The following NDST4 variants were observed in gnomAD, a reference collection of about 807,000 sequenced individuals.
The protein encoded by NDST4 is N-heparan sulfate sulfotransferase 4.
NDST4 carries 63 observed loss-of-function variants against 100.8 expected under a neutral mutation model. The observed-to-expected ratio is 0.62, with a 90% CI of 0.51 to 0.77. The LOEUF (loss-of-function observed/expected upper bound fraction) is 0.77, where lower values mean the gene tolerates loss of function less well. Among genes scored for constraint, NDST4 ranks in the 30% least tolerant of loss-of-function variants. The probability of loss-of-function intolerance (pLI) is 0.00; values close to 1 mark genes in which losing one functional copy is unlikely to be tolerated. For synonymous variants in NDST4, 377 were observed against 361.8 expected, an observed-to-expected ratio of 1.04 and a Z score of -0.48; for missense variants, 943 against 1,018.4, an observed-to-expected ratio of 0.93 and a Z score of 1.01.
chr4:114,842,566 C>G, intron 10 of NDST4: 1 of 160,774 alleles, frequency 6.2e-6, no homozygotes, highest in Non-Finnish European at 1.2e-5. Context: ...CCGAGGCAGG[C>G]GGATCACGAG....
At chr4:114,949,370 T>C (rs190540693) in intron 4 of NDST4, among the ~76,000 whole-genome samples, 7 of 152,146 alleles carry the variant, frequency 4.6e-5, no homozygotes, top group Admixed American at 2.0e-4. Flanking sequence ...TGATGTCGGA[T>C]AGGGAATGGG....
intron 6 of NDST4, among the ~76,000 whole-genome samples, chr4:114,872,651 G>C (rs1284691907): frequency 6.6e-6 from 1 of 151,962 alleles, no homozygotes; most frequent in African/African-American, 2.4e-5. Flanking sequence ...TGCTTACTAT[G>C]TACTAAGCAG....
At chr4:114,913,088 C>A (rs1049848991) in intron 6 of NDST4, among the ~76,000 whole-genome samples, 12 of 151,452 alleles carry the variant, frequency 7.9e-5, no homozygotes, top group Admixed American at 5.9e-4. Flanking sequence ...ACAACTCAAC[C>A]CATATCCAAT....
At chr4:114,846,717 CTCA>C (rs1235850785) in intron 9 of NDST4, among the ~76,000 whole-genome samples, 2 of 152,138 alleles carry the variant, frequency 1.3e-5, no homozygotes, top group Non-Finnish European at 2.9e-5. Flanking sequence ...CTCCTTACAG[CTCA>C]TCACTTCTCT....
chr4:115,067,576 A>T (rs1728976805), intron 2 of NDST4, among the ~76,000 whole-genome samples: 1 of 151,130 alleles, frequency 6.6e-6, no homozygotes, highest in African/African-American at 2.4e-5. Context: ...TTAAGATTTT[A>T]TTTTATAATA....
At chr4:114,836,801 G>A (rs1723314254) in intron 11 of NDST4, among the ~76,000 whole-genome samples, 1 of 152,090 alleles carries the variant, frequency 6.6e-6, no homozygotes, top group Non-Finnish European at 1.5e-5. Context: ...ATTTCTTGGA[G>A]GCTTTGTTCA....
At chr4:115,024,963 T>C (rs1483146255) in intron 2 of NDST4, among the ~76,000 whole-genome samples, 1 of 152,170 alleles carries the variant, frequency 6.6e-6, no homozygotes, top group Non-Finnish European at 1.5e-5. Flanking sequence ...GGCCCTATTT[T>C]TTCTCTGTTT....
At chr4:115,006,051 A>T in intron 2 of NDST4, among the ~76,000 whole-genome samples, 1 of 144,708 alleles carries the variant, frequency 6.9e-6, no homozygotes, top group Non-Finnish European at 1.5e-5. Flanking sequence ...AAAAAAAAAG[A>T]AGAAGAAGAA....
rs140025508 is a variant in NDST4, at chr4:114,917,101, A to G, written c.1536+18105T>C. On this transcript the variant is annotated intron_variant, in intron 6 of 13. Transcript: ENST00000264363. The stretch of plus-strand genomic sequence containing the variant: ...ACATAAAATCATTTGGTATTTGCAT[A>G]TAACCTATGCATATCCTCCCATATA... 1.0e-3 allele frequency among the ~76,000 whole-genome samples: 156 copies of G among 152,284 alleles called. 2 individuals are homozygous for G. Among genetic ancestry groups the G allele is most frequent in the Admixed American group, 9.9e-3 (151 of 15,288 alleles).
At position 114,839,444 on chromosome 4, in the gene NDST4, TC is replaced by T. The variant is rs1179105265; in HGVS notation, c.2219del (p.Arg740AsnfsTer3). ...CTGCATACCATCCAGGTACTAGGCA[TC>T]TTCTCTGCAAAGTTTTTAAGTCAGA... ...APSDLKTLQR[R>X]CLVPGWYAVH... is the part of the protein sequence containing the mutation. On this transcript the variant is annotated frameshift_variant, in exon 11 of 14. Coordinates refer to ENST00000264363, the MANE Select transcript of NDST4 (RefSeq NM_022569.3). LOFTEE classifies it high-confidence loss of function. 6.2e-7 allele frequency: 1 copy of T among 1,613,946 alleles called. No homozygotes were observed. Among genetic ancestry groups the T allele is most frequent in the Non-Finnish European group, 8.5e-7 (1 of 1,179,872 alleles).
intron 1 of NDST4, among the ~76,000 whole-genome samples, chr4:115,081,295 C>A (rs493304): frequency 0.23 from 35,345 of 151,980 alleles, 5,589 homozygotes; most frequent in East Asian, 0.46. Flanking sequence ...TCTCCCAGTT[C>A]TCCTTCCCTA....
chr4:115,050,218 T>C (rs1199338930), intron 2 of NDST4, among the ~76,000 whole-genome samples: 1 of 152,164 alleles, frequency 6.6e-6, no homozygotes, highest in East Asian at 1.9e-4. Flanking sequence ...TTTTGGTCTG[T>C]ACTATCTCAA....
At chr4:114,939,322 G>A (rs1185974693) in intron 4 of NDST4, among the ~76,000 whole-genome samples, 1 of 152,074 alleles carries the variant, frequency 6.6e-6, no homozygotes, top group Non-Finnish European at 1.5e-5. Context: ...TGCCTAGAGA[G>A]GTGCTCCTGA....
intron 10 of NDST4, 74 bp downstream of exon 10, chr4:114,845,749 A>G: frequency 7.3e-7 from 1 of 1,369,690 alleles, no homozygotes; most frequent in Non-Finnish European, 1.0e-6. Context: ...TTTAGGTTCT[A>G]TTCTGGTTAT....
intron 3 of NDST4, among the ~76,000 whole-genome samples, chr4:114,972,338 G>C (rs977500586): frequency 1.3e-5 from 2 of 151,916 alleles, no homozygotes; most frequent in Non-Finnish European, 2.9e-5. Context: ...ATCTTTGAAA[G>C]GTATAAGGAC....
rs191201622 is a variant in NDST4 at position 114,854,571 on chromosome 4, C to T, written c.1720-1750G>A. On this transcript the variant is annotated intron_variant, in intron 7 of 13. Transcript: ENST00000264363. ...GCAACCTTCGCCTCCCAAATTCAAG[C>T]GATTCTCCTGCCCCAGCCTCCCGAG... 1.1e-4 allele frequency among the ~76,000 whole-genome samples: 17 copies of T among 152,186 alleles called. No individual in the cohort carries two copies. In the East Asian group the frequency reaches 2.7e-3, roughly 24 times the overall value.
intron 4 of NDST4, among the ~76,000 whole-genome samples, chr4:114,955,478 C>T (rs1440565602): frequency 1.3e-5 from 2 of 152,104 alleles, no homozygotes; most frequent in East Asian, 1.9e-4. Context: ...CAAAATGTGA[C>T]AGAATCTAAA....
chr4:114,847,064 C>G (rs1260910839), intron 9 of NDST4, among the ~76,000 whole-genome samples: 1 of 152,036 alleles, frequency 6.6e-6, no homozygotes, highest in Non-Finnish European at 1.5e-5. Flanking sequence ...CAACCCTGAT[C>G]CTAGCTGTAC....
intron 7 of NDST4, among the ~76,000 whole-genome samples, chr4:114,869,107 G>C (rs1170144345): frequency 1.3e-5 from 2 of 151,188 alleles, no homozygotes; most frequent in South Asian, 2.1e-4. Flanking sequence ...GAATCATCAT[G>C]TTGCCCAAAT....
Sources: gnomAD v4.1 joint callset for allele counts (sites outside exome capture counted in the v4.1 genomes callset) on GRCh38, gnomAD v4.1.1 for gene constraint, MANE v1.5 for transcripts, NCBI Gene and HGNC (gene_info 2026-07-23, HGNC 2026-07-21) for gene names.